EPS15L1: variants seen among roughly 807,000 people sequenced by gnomAD.
EPS15L1 encodes the protein epidermal growth factor receptor pathway substrate 15 like 1.
In EPS15L1, 43 loss-of-function variants were observed where a neutral mutation model predicts 117.1. The ratio of observed to expected loss-of-function variants is 0.37; its 90% CI spans 0.29 to 0.47. The LOEUF is 0.47. EPS15L1 is among the 20% of genes least tolerant of loss of function. The pLI is 0.99. For missense variants in EPS15L1, 981 were observed against 1,164.0 expected, an observed-to-expected ratio of 0.84 and a Z score of 2.29; for synonymous variants, 459 against 470.5, an observed-to-expected ratio of 0.98 and a Z score of 0.32.
intron 23 of EPS15L1, among the ~76,000 whole-genome samples, chr19:16,361,201 C>G (rs2092044904): frequency 6.6e-6 from 1 of 151,850 alleles, no homozygotes; most frequent in Admixed American, 6.6e-5. Context: ...TTCAGAGTGG[C>G]TGTTCTAGAC....
At chr19:16,449,938 A>G (rs2093123704) in intron 1 of EPS15L1, among the ~76,000 whole-genome samples, 1 of 152,224 alleles carries the variant, frequency 6.6e-6, no homozygotes, top group South Asian at 2.1e-4. Flanking sequence ...ACATAACATC[A>G]TTAAAATGAT....
At chr19:16,384,563 G>A (rs1735832181) in intron 21 of EPS15L1, among the ~76,000 whole-genome samples, 1 of 152,194 alleles carries the variant, frequency 6.6e-6, no homozygotes, top group Non-Finnish European at 1.5e-5. Flanking sequence ...GAGCCACAGT[G>A]AGTTCAGGTC....
At chr19:16,357,392 T>C (rs2144614415) in intron 23 of EPS15L1, 1 of 152,256 alleles carries the variant, frequency 6.6e-6, no homozygotes, top group Non-Finnish European at 1.5e-5. Flanking sequence ...GGATGAAGCG[T>C]GGGGTGGGAT....
At chr19:16,434,594 A>T in intron 6 of EPS15L1, 104 bp from the exon 7 acceptor site, 1 of 1,252,140 alleles carries the variant, frequency 8.0e-7, no homozygotes, top group South Asian at 1.4e-5. Context: ...CGGACCCATC[A>T]TCACCCTTGG....
chr19:16,454,715 G>T (rs759626120), intron 1 of EPS15L1, among the ~76,000 whole-genome samples: 37 of 152,140 alleles, frequency 2.4e-4, no homozygotes, highest in Non-Finnish European at 4.3e-4. Context: ...ACAAGCAAGA[G>T]AACTGCCCCG....
At chr19:16,416,764 C>T (rs2092761787) in intron 12 of EPS15L1, among the ~76,000 whole-genome samples, 2 of 152,110 alleles carry the variant, frequency 1.3e-5, no homozygotes, top group Admixed American at 6.5e-5. Context: ...CACACCACTA[C>T]GCTCCAGCTT....
Position 16,381,465 on chromosome 19 carries a change from C to T in EPS15L1, c.2247+3664G>A, listed in dbSNP as rs1016248147. On this transcript the variant is annotated intron_variant, in intron 21 of 23. Transcript: ENST00000455140. The surrounding 1 kb of genome is among the most constrained non-coding windows in gnomAD (Gnocchi z 4.2). ...CCTGCCACCTACTCAACACCCTGTG[C>T]CTTGGTTTCTTCATCTGTAAAATGG... Among the ~76,000 whole-genome samples the T allele has an allele frequency of 5.9e-5, 9 of 152,246 alleles. No individual in the cohort carries two copies. The highest frequency in any genetic ancestry group is 4.6e-4 in the Admixed American group (7 of 15,288).
At chr19:16,361,634 G>T in intron 23 of EPS15L1, 145 bp downstream of exon 23, 2 of 1,387,222 alleles carry the variant, frequency 1.4e-6, no homozygotes, top group Non-Finnish European at 1.9e-6. Context: ...TGGCAGTGTA[G>T]AATAAATAAC....
chr19:16,467,993 A>G (rs900679231), intron 1 of EPS15L1, among the ~76,000 whole-genome samples: 4 of 152,212 alleles, frequency 2.6e-5, no homozygotes, highest in African/African-American at 4.8e-5. Context: ...TGAAGAACAC[A>G]TAACAAGGGG....
chr19:16,371,161 T>TG lies in EPS15L1; in HGVS notation c.2380+5960dup, dbSNP rs760200312. On this transcript the variant is annotated intron_variant, in intron 22 of 23. Coordinates refer to ENST00000455140, the MANE Select transcript of EPS15L1 (RefSeq NM_001258374.3). This position sits in a 1 kb window ranked among gnomAD's most constrained non-coding sequence, Gnocchi z 4.7. The stretch of plus-strand genomic sequence containing the variant: ...TCAACAAAAGGTTTTGGGACCCACA[T>TG]GGGCACATGATGGGGAGAGGTCACT... Among the ~76,000 whole-genome samples the TG allele has an allele frequency of 4.9e-4, 75 of 152,320 alleles. No individual in the cohort carries two copies. Among genetic ancestry groups the TG allele is most frequent in the Middle Eastern group, 3.4e-3 (1 of 294 alleles).
intron 13 of EPS15L1, among the ~76,000 whole-genome samples, chr19:16,406,865 G>A (rs1268170123): frequency 3.9e-5 from 6 of 152,238 alleles, no homozygotes; most frequent in African/African-American, 1.2e-4. Context: ...CCCCCAAGAT[G>A]ATGGTATTAG....
chr19:16,371,756 T>C lies in EPS15L1; in HGVS notation c.2380+5366A>G, dbSNP rs2092228161. On this transcript the variant is annotated intron_variant, in intron 22 of 23. Transcript: ENST00000455140. This position sits in a 1 kb window ranked among gnomAD's most constrained non-coding sequence, Gnocchi z 4.7. ...CACTGACACCCACACAGCCGTTTCC[T>C]GCACTTAAAAAAAAAATCTGTTTCT... Among the ~76,000 whole-genome samples, 1 of 146,050 alleles carries C rather than the reference T, an allele frequency of 6.8e-6. No individual in the cohort carries two copies. The highest frequency in any genetic ancestry group is 2.6e-5 in the African/African-American group (1 of 39,118).
intron 16 of EPS15L1, among the ~76,000 whole-genome samples, chr19:16,396,510 C>T (rs537102163): frequency 3.3e-5 from 5 of 152,290 alleles, no homozygotes; most frequent in Non-Finnish European, 5.9e-5. Flanking sequence ...CTGATCCTCC[C>T]ACCTCAGCCT....
intron 1 of EPS15L1, among the ~76,000 whole-genome samples, chr19:16,469,377 G>A (rs570354280): frequency 1.4e-4 from 21 of 152,214 alleles, no homozygotes; most frequent in Admixed American, 3.9e-4. Flanking sequence ...ACAGGGCACC[G>A]GGGTTAAGGA....
At chr19:16,367,109 T>C (rs536603220) in intron 22 of EPS15L1, among the ~76,000 whole-genome samples, 5 of 151,166 alleles carry the variant, frequency 3.3e-5, no homozygotes, top group African/African-American at 1.2e-4. Flanking sequence ...GAAAAGGGGA[T>C]GGAAATCATG....
At chr19:16,382,059 C>T (rs1306745480) in intron 21 of EPS15L1, among the ~76,000 whole-genome samples, 1 of 152,226 alleles carries the variant, frequency 6.6e-6, no homozygotes, top group Non-Finnish European at 1.5e-5. Flanking sequence ...AGTTGTAAGA[C>T]CTGGTGACAC....
chr19:16,407,012 G>C (rs1380493947), intron 13 of EPS15L1, among the ~76,000 whole-genome samples: 1 of 152,312 alleles, frequency 6.6e-6, no homozygotes, highest in Middle Eastern at 3.4e-3. Flanking sequence ...TATGAACCAG[G>C]AAGTGGGTCC....
At chr19:16,459,257 G>T (rs149806899) in intron 1 of EPS15L1, among the ~76,000 whole-genome samples, 296 of 152,178 alleles carry the variant, frequency 1.9e-3, no homozygotes, top group African/African-American at 6.9e-3. Context: ...GATGACCCTA[G>T]GTTCCCCCAA....
At position 16,405,885 on chromosome 19, in the gene EPS15L1, A is replaced by G. The variant is rs545540110; in HGVS notation, c.1267-1136T>C. ...GATAAATAACCAAAGCTGAAATAGC[A>G]CAACGGGCATTGTGACAAGCCTCCT... On this transcript the variant is annotated intron_variant, in intron 13 of 23. Transcript: ENST00000455140. This position sits in a 1 kb window ranked among gnomAD's most constrained non-coding sequence, Gnocchi z 4.0. 6.6e-6 allele frequency among the ~76,000 whole-genome samples: 1 copy of G among 152,374 alleles called. No individual in the cohort carries two copies. Among genetic ancestry groups the G allele is most frequent in the Admixed American group, 6.5e-5 (1 of 15,312 alleles).
Sources: gnomAD v4.1 joint callset for allele counts (sites outside exome capture counted in the v4.1 genomes callset) on GRCh38, gnomAD v4.1.1 for gene constraint, Gnocchi (gnomAD v3.1) non-coding constraint, MANE v1.5 for transcripts, NCBI Gene and HGNC (gene_info 2026-07-23, HGNC 2026-07-21) for gene names.